CSMD2: variants seen among roughly 807,000 people sequenced by gnomAD.
CSMD2 encodes CUB and Sushi multiple domains 2.
A neutral mutation model predicts 398.5 loss-of-function variants in CSMD2; 130 were observed. The observed-to-expected ratio is 0.33, with a 90% CI of 0.28 to 0.38. CSMD2 has a LOEUF of 0.38. CSMD2 is among the 10% of genes least tolerant of loss of function. The probability of loss-of-function intolerance (pLI) is 1.00; values close to 1 mark genes in which losing one functional copy is unlikely to be tolerated. For missense variants in CSMD2, 3,829 were observed against 4,764.9 expected (o/e 0.80, Z 5.78); for synonymous variants, 1,828 against 1,908.5 (o/e 0.96, Z 1.10).
At chr1:33,888,736 A>C (rs1641765795) in intron 5 of CSMD2, among the ~76,000 whole-genome samples, 1 of 146,700 alleles carries the variant, frequency 6.8e-6, no homozygotes, top group Non-Finnish European at 1.5e-5. Context: ...TATGTGATCA[A>C]ATCAGGAGAT....
chr1:33,944,890 T>A (rs1039262224), intron 3 of CSMD2, among the ~76,000 whole-genome samples: 1 of 152,070 alleles, frequency 6.6e-6, no homozygotes. Flanking sequence ...AAGACCCTTG[T>A]TTGTTTCACT....
chr1:33,792,344 A>G (rs1403282783), intron 11 of CSMD2, 79 bp downstream of exon 11: 14 of 909,938 alleles, frequency 1.5e-5, no homozygotes, highest in Non-Finnish European at 2.6e-5. Flanking sequence ...TCTAGGGACC[A>G]GGCAGGACTC....
intron 5 of CSMD2, among the ~76,000 whole-genome samples, chr1:33,900,724 G>A (rs1642693157): frequency 6.6e-6 from 1 of 151,622 alleles, no homozygotes; most frequent in African/African-American, 2.4e-5. Flanking sequence ...AGGTTGCAGT[G>A]AGCTGAGATC....
chr1:34,034,379 G>A (rs1036467675), intron 2 of CSMD2, among the ~76,000 whole-genome samples: 1 of 152,124 alleles, frequency 6.6e-6, no homozygotes, highest in Non-Finnish European at 1.5e-5. Flanking sequence ...GTCATTCCGA[G>A]TCCTTCTATG....
At chr1:33,834,680 A>T (rs1660019575) in intron 6 of CSMD2, among the ~76,000 whole-genome samples, 1 of 48,362 alleles carries the variant, frequency 2.1e-5, no homozygotes. Flanking sequence ...GAGCTTCTGC[A>T]CAGCAAAACA....
intron 3 of CSMD2, among the ~76,000 whole-genome samples, chr1:33,963,879 A>G (rs1232226206): frequency 5.3e-5 from 8 of 152,214 alleles, no homozygotes; most frequent in Non-Finnish European, 1.2e-4. Context: ...TTTGGGTACA[A>G]GTCTTTGTGT....
intron 5 of CSMD2, among the ~76,000 whole-genome samples, chr1:33,899,615 G>A (rs1472678816): frequency 6.6e-6 from 1 of 152,200 alleles, no homozygotes; most frequent in Non-Finnish European, 1.5e-5. Flanking sequence ...CACCTTAGGA[G>A]GCAGATCCCA....
chr1:33,557,824 G>A lies in CSMD2; in HGVS notation c.8653C>T (p.Arg2885Trp), dbSNP rs537954141. 5.3e-5 allele frequency: 81 copies of A among 1,536,076 alleles called. No individual in the cohort carries two copies. The highest frequency in any genetic ancestry group is 2.3e-4 in the African/African-American group (17 of 73,148). The change falls in exon 55 of 71, where the codon CGG (arginine) becomes TGG (tryptophan). Residue 2885 changes from arginine (R) to tryptophan (W), a missense_variant. Physicochemically the swap from Arg to Trp is moderately radical, Grantham distance 101. Coordinates refer to ENST00000373381, the MANE Select transcript of CSMD2 (RefSeq NM_001281956.2). ...AGGAGGTAGAAGCCGTGGTTGCACC[G>A]GTAAGACACAGTGGTGCCGAAGCTG... Reference protein sequence around the residue: ...RFSFGTTVSYRCNHGFYLLGT... With the variant: ...RFSFGTTVSYWCNHGFYLLGT...
At chr1:34,030,295 C>T (rs964328836) in intron 3 of CSMD2, among the ~76,000 whole-genome samples, 14 of 152,126 alleles carry the variant, frequency 9.2e-5, no homozygotes, top group East Asian at 1.9e-4. Flanking sequence ...TAAATTTTTT[C>T]TGTAAAGGGT....
rs541648957 is a variant in CSMD2 at position 33,987,359 on chromosome 1, C to T, written c.517+45235G>A. On this transcript the variant is annotated intron_variant, in intron 3 of 70. Coordinates refer to ENST00000373381, the MANE Select transcript of CSMD2 (RefSeq NM_001281956.2). ...CAGATAATTTAATCCGCATAATACC[C>T]CAGAAGGTAAATTTATTACTATCAA... Among the ~76,000 whole-genome samples the T allele has an allele frequency of 7.9e-5, 12 of 152,164 alleles. No homozygotes were observed. The South Asian group carries it at 1.5e-3, about 18-fold the overall frequency.
intron 13 of CSMD2, among the ~76,000 whole-genome samples, chr1:33,755,034 G>C (rs1270057269): frequency 6.6e-6 from 1 of 152,090 alleles, no homozygotes; most frequent in African/African-American, 2.4e-5. Flanking sequence ...AGGCACTGTT[G>C]TAAGCCTGAC....
intron 13 of CSMD2, among the ~76,000 whole-genome samples, chr1:33,758,098 C>A (rs531085507): frequency 6.6e-6 from 1 of 152,292 alleles, no homozygotes; most frequent in East Asian, 1.9e-4. Flanking sequence ...TGACCTAAGG[C>A]CCTTGCCAAT....
chr1:33,674,426 C>G (rs1644625993), intron 25 of CSMD2, among the ~76,000 whole-genome samples: 1 of 152,106 alleles, frequency 6.6e-6, no homozygotes, highest in African/African-American at 2.4e-5. Flanking sequence ...AATATATATG[C>G]ACCCAATACA....
chr1:33,690,288 C>T (rs1188893649), intron 25 of CSMD2, among the ~76,000 whole-genome samples: 1 of 152,166 alleles, frequency 6.6e-6, no homozygotes, highest in Admixed American at 6.5e-5. Context: ...GCCTAGAGGC[C>T]CATTACCCTC....
At chr1:33,759,470 C>T (rs1247582144) in intron 13 of CSMD2, among the ~76,000 whole-genome samples, 3 of 151,494 alleles carry the variant, frequency 2.0e-5, no homozygotes, top group South Asian at 4.2e-4. Context: ...GGACTACAGG[C>T]GCCCGCCACC....
intron 41 of CSMD2, chr1:33,606,127 T>C (rs1640589467): frequency 1.5e-6 from 2 of 1,324,778 alleles, no homozygotes; most frequent in Admixed American, 3.0e-5. Flanking sequence ...GATGCCTCCA[T>C]GGAAGCAGCT....
rs115915958 is a variant in CSMD2, at chr1:34,070,637, C to T, written c.404+18340G>A. The stretch of plus-strand genomic sequence containing the variant: ...GGGCACTTACATGGGTGGAGCTTTG[C>T]GGTAGTGGATACAAATCTGCCTCTG... On this transcript the variant is annotated intron_variant, in intron 2 of 70. Coordinates refer to ENST00000373381, the MANE Select transcript of CSMD2 (RefSeq NM_001281956.2). Among the ~76,000 whole-genome samples, 985 of 152,314 alleles carry T rather than the reference C, an allele frequency of 6.5e-3. 12 individuals are homozygous for T. Among genetic ancestry groups the T allele is most frequent in the African/African-American group, 0.023 (942 of 41,570 alleles).
chr1:34,023,067 C>G (rs1649133049), intron 3 of CSMD2, among the ~76,000 whole-genome samples: 1 of 152,100 alleles, frequency 6.6e-6, no homozygotes, highest in Admixed American at 6.5e-5. Flanking sequence ...AACTCCTGTC[C>G]TCAAATGATC....
intron 23 of CSMD2, among the ~76,000 whole-genome samples, chr1:33,699,682 C>T (rs374167383): frequency 6.6e-6 from 1 of 152,200 alleles, no homozygotes; most frequent in Non-Finnish European, 1.5e-5. Flanking sequence ...CAATAGCTTT[C>T]TTTATTGAGA....
Sources: allele counts gnomAD v4.1 joint callset (sites outside exome capture counted in the v4.1 genomes callset), GRCh38; gene constraint gnomAD v4.1.1; transcripts MANE v1.5; gene names NCBI Gene and HGNC (gene_info 2026-07-23, HGNC 2026-07-21).